Variants in MOB1A observed in about 807,000 individuals in gnomAD.
MOB1A encodes the protein MOB1 Mps One Binder homolog A.
In MOB1A, 10 loss-of-function variants were observed where a neutral mutation model predicts 25.1. That is an observed-to-expected ratio of 0.40 (90% CI 0.25 to 0.68). The LOEUF is 0.68. Among genes scored for constraint, MOB1A ranks in the 30% least tolerant of loss-of-function variants. The probability of loss-of-function intolerance (pLI) is 0.40; values close to 1 mark genes in which losing one functional copy is unlikely to be tolerated. For missense variants in MOB1A, 177 were observed against 256.3 expected, an observed-to-expected ratio of 0.69 and a Z score of 2.11; for synonymous variants, 81 against 79.5, an observed-to-expected ratio of 1.02 and a Z score of -0.10.
chr2:74,157,166 G>C (rs1340719110), intron 5 of MOB1A, among the ~76,000 whole-genome samples: 3 of 149,630 alleles, frequency 2.0e-5, no homozygotes, highest in African/African-American at 7.4e-5. Context: ...CCTCTGGGGA[G>C]GGGAAAGGGC....
At chr2:74,159,979 G>C (rs1475171257) in intron 4 of MOB1A, among the ~76,000 whole-genome samples, 1 of 151,834 alleles carries the variant, frequency 6.6e-6, no homozygotes, top group Non-Finnish European at 1.5e-5. Flanking sequence ...ACTACACCTG[G>C]CTGATTTTTG....
At chr2:74,167,464 T>C (rs1263935588) in intron 2 of MOB1A, among the ~76,000 whole-genome samples, 1 of 152,184 alleles carries the variant, frequency 6.6e-6, no homozygotes, top group East Asian at 1.9e-4. Context: ...TTGGCCAGGC[T>C]GGTCTTGAAC....
chr2:74,165,195 A>G, intron 4 of MOB1A, 23 bp downstream of exon 4: 1 of 1,478,502 alleles, frequency 6.8e-7, no homozygotes, highest in South Asian at 1.4e-5. Context: ...AAAAGAAAGA[A>G]TACTTCGACA....
chr2:74,169,269 A>G (rs958385639), intron 2 of MOB1A, among the ~76,000 whole-genome samples: 8 of 152,188 alleles, frequency 5.3e-5, no homozygotes, highest in African/African-American at 1.9e-4. Context: ...TGGGAGGATG[A>G]GGCAGGCGGA....
At chr2:74,166,188 G>C (rs1022091298) in intron 3 of MOB1A, among the ~76,000 whole-genome samples, 1 of 151,822 alleles carries the variant, frequency 6.6e-6, no homozygotes, top group South Asian at 2.1e-4. Context: ...GAGTGATAGA[G>C]TTCCATCTTT....
At chr2:74,174,936 CAA>C (rs1475402350) in intron 1 of MOB1A, among the ~76,000 whole-genome samples, 2 of 152,114 alleles carry the variant, frequency 1.3e-5, no homozygotes, top group African/African-American at 4.8e-5. Flanking sequence ...ATCTGAATGT[CAA>C]AAGTTTAAAT....
intron 1 of MOB1A, among the ~76,000 whole-genome samples, chr2:74,172,992 C>G (rs1313284335): frequency 1.3e-5 from 2 of 152,070 alleles, no homozygotes; most frequent in African/African-American, 4.8e-5. Flanking sequence ...AAAAATTAGC[C>G]AAGCATGATG....
chr2:74,175,939 T>C (rs1230139355), intron 1 of MOB1A, among the ~76,000 whole-genome samples: 1 of 151,992 alleles, frequency 6.6e-6, no homozygotes, highest in Non-Finnish European at 1.5e-5. Context: ...GGAATTTAAA[T>C]AAGACTGATT....
rs766736617 is a variant in MOB1A, at chr2:74,159,203, C to T, written c.461G>A (p.Arg154His). ...AATATGGGCATAAACCCTGAACAGA[C>T]GCTTTAGAATAGTCTTTGCCACAGA... The part of the protein sequence containing the change: ...FMSVAKTILK[R>H]LFRVYAHIYH... The change falls in exon 5 of 6, where the codon CGT becomes CAT. Residue 154 changes from arginine to histidine, a missense_variant. Coordinates refer to ENST00000396049, the MANE Select transcript of MOB1A (RefSeq NM_018221.5). 7 of 1,613,946 alleles carry T rather than the reference C, an allele frequency of 4.3e-6. No individual in the cohort carries two copies. Among genetic ancestry groups the T allele is most frequent in the East Asian group, 2.2e-5 (1 of 44,894 alleles).
intron 2 of MOB1A, among the ~76,000 whole-genome samples, chr2:74,168,138 A>G (rs1302472963): frequency 6.6e-6 from 1 of 152,172 alleles, no homozygotes; most frequent in Non-Finnish European, 1.5e-5. Context: ...CTGTCTCAAA[A>G]TAAAAATAGC....
intron 1 of MOB1A, among the ~76,000 whole-genome samples, chr2:74,174,287 A>C (rs1693389405): frequency 6.9e-6 from 1 of 144,328 alleles, no homozygotes; most frequent in Admixed American, 7.1e-5. Context: ...AAAAAAAAAG[A>C]AAAGAAAAGA....
At chr2:74,177,288 G>C (rs553418505) in intron 1 of MOB1A, among the ~76,000 whole-genome samples, 72 of 152,202 alleles carry the variant, frequency 4.7e-4, no homozygotes, top group Admixed American at 9.8e-4. Context: ...CGGAGGCAGA[G>C]GTTGCAGTGA....
At chr2:74,172,486 G>T in intron 2 of MOB1A, 100 bp downstream of exon 2, 1 of 1,108,806 alleles carries the variant, frequency 9.0e-7, no homozygotes, top group Non-Finnish European at 1.3e-6. Flanking sequence ...CAGATAATTT[G>T]TTATATTAAA....
At position 74,175,083 on chromosome 2, in the gene MOB1A, A is replaced by T. The variant is rs187651661; in HGVS notation, c.15-2331T>A. ...ACAGCTGCTCCCCATTGCTGGCATT[A>T]CCACCTGAGCTCCACCTCTTGTCAT... On this transcript the variant is annotated intron_variant, in intron 1 of 5. Transcript: ENST00000396049. 2.0e-3 allele frequency among the ~76,000 whole-genome samples: 304 copies of T among 152,290 alleles called. 2 individuals carry two copies. The highest frequency in any genetic ancestry group is 6.9e-3 in the African/African-American group (287 of 41,566).
chr2:74,165,673 G>C (rs1310772879), intron 3 of MOB1A, among the ~76,000 whole-genome samples: 2 of 152,162 alleles, frequency 1.3e-5, no homozygotes, highest in Non-Finnish European at 2.9e-5. Flanking sequence ...GCATGGAGCC[G>C]ATGGATCCAC....
At chr2:74,162,731 CTG>C (rs150104788) in intron 4 of MOB1A, among the ~76,000 whole-genome samples, 2,029 of 152,166 alleles carry the variant, frequency 0.013, 47 homozygotes, top group African/African-American at 0.046. Context: ...TGGAAAAAAA[CTG>C]TTGTCCTGAA....
chr2:74,170,165 G>A (rs1192455329), intron 2 of MOB1A, among the ~76,000 whole-genome samples: 3 of 151,150 alleles, frequency 2.0e-5, no homozygotes, highest in Admixed American at 6.6e-5. Context: ...TTTTTAAGAT[G>A]GAGTCTTGCT....
At chr2:74,157,485 G>A (rs531206056) in intron 5 of MOB1A, among the ~76,000 whole-genome samples, 89 of 152,258 alleles carry the variant, frequency 5.8e-4, no homozygotes, top group African/African-American at 1.8e-3. Context: ...CCCAAGGAGG[G>A]GGTTGTGGGA....
intron 3 of MOB1A, 48 bp from the exon 4 acceptor site, chr2:74,165,399 A>C: frequency 8.1e-7 from 1 of 1,233,848 alleles, no homozygotes; most frequent in East Asian, 2.7e-5. Flanking sequence ...AATATTAACA[A>C]ATGTGCAAGT....
Sources: allele counts gnomAD v4.1 joint callset (sites outside exome capture counted in the v4.1 genomes callset), GRCh38; gene constraint gnomAD v4.1.1; transcripts MANE v1.5; gene names NCBI Gene and HGNC (gene_info 2026-07-23, HGNC 2026-07-21).